Variants in CORO7 observed in about 807,000 individuals in gnomAD.
The protein encoded by CORO7 is coronin-7.
Under a neutral mutation model 126.6 loss-of-function variants are expected in CORO7, and 107 were observed. That is an observed-to-expected ratio of 0.85 (90% CI 0.72 to 0.99). The LOEUF is 0.99. CORO7 is among the 50% of genes least tolerant of loss of function. CORO7 has a pLI of 0.00. For synonymous variants in CORO7, 603 were observed against 536.8 expected, an observed-to-expected ratio of 1.12 and a Z score of -1.70; for missense variants, 1,314 against 1,255.8, an observed-to-expected ratio of 1.05 and a Z score of -0.70.
intron 9 of CORO7, among the ~76,000 whole-genome samples, chr16:4,375,784 G>A (rs944184992): frequency 2.0e-5 from 3 of 152,198 alleles, no homozygotes; most frequent in East Asian, 1.9e-4. Flanking sequence ...CACCATGCCC[G>A]GCAGAATTTC....
intron 1 of CORO7, among the ~76,000 whole-genome samples, chr16:4,414,066 A>G (rs983980604): frequency 6.6e-6 from 1 of 151,698 alleles, no homozygotes; most frequent in Non-Finnish European, 1.5e-5. Flanking sequence ...GGGCACCTAC[A>G]TACAATTCCA....
At chr16:4,389,177 G>T (rs1406937271) in intron 7 of CORO7, among the ~76,000 whole-genome samples, 1 of 152,190 alleles carries the variant, frequency 6.6e-6, no homozygotes, top group Non-Finnish European at 1.5e-5. Flanking sequence ...AAGAGGCAGG[G>T]CCTGGGACCC....
chr16:4,410,181 T>C (rs372984321), intron 3 of CORO7, among the ~76,000 whole-genome samples: 1 of 152,036 alleles, frequency 6.6e-6, no homozygotes, highest in African/African-American at 2.4e-5. Flanking sequence ...TCTCAGCACT[T>C]TGGGAGGCCA....
intron 22 of CORO7, 39 bp downstream of exon 22, chr16:4,359,441 C>G: frequency 6.2e-7 from 1 of 1,613,420 alleles, no homozygotes; most frequent in Non-Finnish European, 8.5e-7. Context: ...TTCCCCCCAC[C>G]ACCTCTCACC....
chr16:4,391,913 C>T (rs568257761), intron 7 of CORO7, among the ~76,000 whole-genome samples: 14 of 152,344 alleles, frequency 9.2e-5, no homozygotes, highest in South Asian at 2.1e-4. Context: ...GTGTCAGCCC[C>T]GCAGGGGGTG....
chr16:4,409,124 G>A (rs1455266821), intron 3 of CORO7, among the ~76,000 whole-genome samples: 2 of 152,194 alleles, frequency 1.3e-5, no homozygotes, highest in African/African-American at 4.8e-5. Flanking sequence ...TGAACAGGAC[G>A]AGAGGTATCA....
Position 4,362,606 on chromosome 16 carries a change from CCT to C in CORO7, c.1402+4_1402+5del. ...TAGGGGTGAGCTCCCCGTCCTGCCT[CCT>C]TACCCAGCAGGCTCTGCAGCGACCT... On this transcript the variant is annotated splice_donor_5th_base_variant and intron_variant, in intron 15 of 27. Coordinates refer to ENST00000251166, the MANE Select transcript of CORO7 (RefSeq NM_024535.5). The surrounding 1 kb of genome is among the most constrained non-coding windows in gnomAD (Gnocchi z 5.3). 1 of 1,554,242 alleles carries C rather than the reference CCT, an allele frequency of 6.4e-7. No individual in the cohort carries two copies. Among genetic ancestry groups the C allele is most frequent in the Non-Finnish European group, 8.7e-7 (1 of 1,153,390 alleles).
At position 4,389,406 on chromosome 16, in the gene CORO7, C is replaced by G. The variant is rs947011725; in HGVS notation, c.616-775G>C. ...TCACCCTGGCCCCTGGAGCCTGAGA[C>G]GAAGGACCCTGTTACCAAAAATAGC... On this transcript the variant is annotated intron_variant, in intron 7 of 27. Transcript: ENST00000251166. Among the ~76,000 whole-genome samples the G allele has an allele frequency of 2.6e-5, 4 of 152,042 alleles. No individual in the cohort carries two copies. The East Asian group carries it at 5.8e-4, about 22-fold the overall frequency.
intron 3 of CORO7, among the ~76,000 whole-genome samples, 181 bp from the exon 4 acceptor site, chr16:4,408,432 C>T (rs1397904355): frequency 3.3e-5 from 5 of 152,204 alleles, no homozygotes; most frequent in Non-Finnish European, 7.3e-5. Context: ...CATACGTCCC[C>T]GAGGGCCCTG....
intron 9 of CORO7, chr16:4,382,215 G>A (rs770703988): frequency 1.9e-6 from 3 of 1,604,560 alleles, no homozygotes; most frequent in Non-Finnish European, 2.5e-6. Flanking sequence ...GCCAGATGGG[G>A]CAGGGGACAC....
intron 22 of CORO7, 47 bp downstream of exon 22, chr16:4,359,433 C>T (rs763066448): frequency 6.2e-6 from 10 of 1,613,220 alleles, no homozygotes; most frequent in African/African-American, 4.0e-5. Flanking sequence ...CACTGGCCTT[C>T]CCCCCACCAC....
In CORO7 at chr16:4,359,576, G is replaced by A. The variant is rs755821268; in HGVS notation, c.2154C>T (p.Ala718=). 2.4e-5 allele frequency: 38 copies of A among 1,611,826 alleles called. No individual in the cohort carries two copies. Among genetic ancestry groups the A allele is most frequent in the Non-Finnish European group, 2.9e-5 (34 of 1,178,976 alleles). ...QLLLYEAEAL[A]GGPLAVLGLD... Reference sequence around the variant, plus strand: ...GGCCCAACACTGCCAAGGGTCCGCCGGCCAGGGCCTCAGCTTCATATAGGA... The same window carrying A: ...GGCCCAACACTGCCAAGGGTCCGCCAGCCAGGGCCTCAGCTTCATATAGGA... The change falls in exon 22 of 28, where the codon GCC becomes GCT. Residue 718 remains alanine, a synonymous_variant. Transcript: ENST00000251166.
rs748818343 is a variant in CORO7, at chr16:4,395,388, C to G, written c.565-49G>C. 1.9e-6 allele frequency: 3 copies of G among 1,611,912 alleles called. No individual in the cohort carries two copies. The African/African-American group carries it at 4.0e-5, about 22-fold the overall frequency. On this transcript the variant is annotated intron_variant, in intron 6 of 27. Transcript: ENST00000251166. ...CAACTTGCGATTAGGGCTGGAGGGT[C>G]CCTGGAAGCCAGCCTGCTCCCCTCA...
chr16:4,394,167 C>T (rs968373620), intron 7 of CORO7, among the ~76,000 whole-genome samples: 10 of 151,408 alleles, frequency 6.6e-5, no homozygotes, highest in Admixed American at 4.6e-4. Flanking sequence ...TAATGGTGGC[C>T]GGACACGGTG....
rs925178623 is a variant in CORO7 at position 4,354,970 on chromosome 16, A to G, written c.*188T>C. 20 of 553,576 alleles carry G rather than the reference A, an allele frequency of 3.6e-5. No individual in the cohort carries two copies. Among genetic ancestry groups the G allele is most frequent in the Non-Finnish European group, 6.0e-5 (20 of 334,468 alleles). 34.3% of individuals were successfully genotyped at this position (553,576 alleles called of 1,614,324 possible). ...ATGAGCAGCAGCTGACCCCAGAGAC[A>G]GCAGAGGTGAAAACAGTCCCTGGGA... On this transcript the variant is annotated 3_prime_UTR_variant, in exon 28 of 28. Transcript: ENST00000251166.
intron 9 of CORO7, among the ~76,000 whole-genome samples, chr16:4,373,575 C>T (rs1328297455): frequency 6.6e-6 from 1 of 152,180 alleles, no homozygotes; most frequent in East Asian, 1.9e-4. Flanking sequence ...CTCTGGCACG[C>T]AGCCCAGGGG....
At chr16:4,392,250 AAAGGG>A (rs529411359) in intron 7 of CORO7, among the ~76,000 whole-genome samples, 53 of 152,198 alleles carry the variant, frequency 3.5e-4, no homozygotes, top group African/African-American at 1.2e-3. Context: ...GGCCGGTTGT[AAAGGG>A]AAGGGGCGGC....
intron 7 of CORO7, among the ~76,000 whole-genome samples, chr16:4,392,912 C>T (rs2055446659): frequency 6.6e-6 from 1 of 152,234 alleles, no homozygotes; most frequent in Non-Finnish European, 1.5e-5. Flanking sequence ...CTTCCCAGGT[C>T]TCCTCGCCCC....
chr16:4,402,100 G>A (rs1030171359), intron 6 of CORO7, among the ~76,000 whole-genome samples: 1 of 151,910 alleles, frequency 6.6e-6, no homozygotes, highest in Non-Finnish European at 1.5e-5. Flanking sequence ...CAACATGCCT[G>A]GCTAATTTTT....
Sources: gnomAD v4.1 joint callset for allele counts (sites outside exome capture counted in the v4.1 genomes callset) on GRCh38, gnomAD v4.1.1 for gene constraint, Gnocchi (gnomAD v3.1) non-coding constraint, MANE v1.5 for transcripts, NCBI Gene and HGNC (gene_info 2026-07-23, HGNC 2026-07-21) for gene names.